NFS1: variants seen among roughly 807,000 people sequenced by gnomAD.
NFS1 encodes the protein cysteine desulfurase.
A neutral mutation model predicts 57.3 loss-of-function variants in NFS1; 26 were observed. That is an observed-to-expected ratio of 0.45 (90% CI 0.33 to 0.63). The LOEUF (loss-of-function observed/expected upper bound fraction) is 0.63, where lower values mean the gene tolerates loss of function less well. Among genes scored for constraint, NFS1 ranks in the 20% least tolerant of loss-of-function variants. The pLI, the probability that NFS1 is intolerant of heterozygous loss-of-function variation, is 0.02. For synonymous variants in NFS1, 209 were observed against 216.3 expected, an observed-to-expected ratio of 0.97 and a Z score of 0.30; for missense variants, 505 against 605.8, an observed-to-expected ratio of 0.83 and a Z score of 1.75.
chr20:35,675,374 T>C, intron 7 of NFS1, 172 bp from the exon 8 acceptor site: 2 of 691,474 alleles, frequency 2.9e-6, no homozygotes, highest in South Asian at 4.1e-5. Flanking sequence ...TAGTATTTAG[T>C]AAAATATTTA....
intron 4 of NFS1, among the ~76,000 whole-genome samples, chr20:35,691,446 A>G (rs192635651): frequency 4.1e-5 from 6 of 146,784 alleles, no homozygotes; most frequent in African/African-American, 2.5e-5. Flanking sequence ...CTCATTGAAG[A>G]AAAAAAAAAA....
At position 35,697,737 on chromosome 20, in the gene NFS1, G is replaced by C. The variant is rs749034132; in HGVS notation, c.271C>G (p.Arg91Gly). The C allele has an allele frequency of 8.1e-6, 13 of 1,613,824 alleles. No individual in the cohort carries two copies. Among genetic ancestry groups the C allele is most frequent in the Non-Finnish European group, 1.1e-5 (13 of 1,179,970 alleles). Residue 91 changes from arginine (R) to glycine (G), a missense_variant, in exon 3 of 13, where the codon CGG becomes GGG. Coordinates refer to ENST00000374092, the MANE Select transcript of NFS1 (RefSeq NM_021100.5). ...LINYYGNPHS[R>G]THAYGWESEA... ...CTCTCCCAGCCATAAGCATGTGTCC[G>C]GGAGTGTGGGTTCCCATAGTAGTTG... is the stretch of plus-strand genomic sequence containing the variant.
intron 5 of NFS1, among the ~76,000 whole-genome samples, chr20:35,683,140 G>A (rs1019207223): frequency 1.3e-5 from 2 of 151,744 alleles, no homozygotes; most frequent in African/African-American, 4.8e-5. Flanking sequence ...ATCCCAGAAG[G>A]TTACATACTG....
intron 5 of NFS1, among the ~76,000 whole-genome samples, chr20:35,687,497 C>T (rs1310769568): frequency 2.0e-5 from 3 of 152,098 alleles, no homozygotes; most frequent in Non-Finnish European, 4.4e-5. Flanking sequence ...ACCCACGTGA[C>T]CTTACCTATC....
intron 12 of NFS1, among the ~76,000 whole-genome samples, chr20:35,672,362 G>A (rs767316916): frequency 9.9e-5 from 15 of 151,872 alleles, no homozygotes; most frequent in Non-Finnish European, 1.5e-5. Flanking sequence ...TGATTCTCCT[G>A]CCTCAGTCTC....
intron 10 of NFS1, chr20:35,673,917 G>C: frequency 2.1e-6 from 1 of 483,370 alleles, no homozygotes; most frequent in African/African-American, 1.9e-5. Context: ...AAGGACGCTG[G>C]CAAAGTGTGA....
rs1451071079 is a variant in NFS1, at chr20:35,672,631, TCTAAATC to T, written c.1310+117_1310+123del. The stretch of plus-strand genomic sequence containing the variant: ...ATCTACTTTCTTGCTTTGTGGAATC[TCTAAATC>T]CTAAGATCCAAGTACGCTTGAACTT... On this transcript the variant is annotated intron_variant, in intron 12 of 12. Coordinates refer to ENST00000374092, the MANE Select transcript of NFS1 (RefSeq NM_021100.5). 3 of 704,144 alleles carry T rather than the reference TCTAAATC, an allele frequency of 4.3e-6. No homozygotes were observed. The African/African-American group carries it at 5.3e-5, about 13-fold the overall frequency. The allele number at this position is 704,144 out of a possible 1,614,324, so 43.6% of individuals were successfully genotyped here.
intron 4 of NFS1, chr20:35,692,201 TAAATAA>T (rs2035053699): frequency 4.0e-6 from 1 of 251,212 alleles, no homozygotes; most frequent in Non-Finnish European, 7.7e-6. Context: ...AATAAATAAA[TAAATAA>T]AAATAAAAAT....
At chr20:35,677,334 C>CT (rs2034769859) in intron 7 of NFS1, among the ~76,000 whole-genome samples, 1 of 151,942 alleles carries the variant, frequency 6.6e-6, no homozygotes, top group Admixed American at 6.6e-5. Flanking sequence ...AAGTTTGGGA[C>CT]CAGCCTGAGA....
chr20:35,682,358 C>A (rs1424976767), intron 5 of NFS1, among the ~76,000 whole-genome samples: 2 of 152,198 alleles, frequency 1.3e-5, no homozygotes, highest in African/African-American at 2.4e-5. Flanking sequence ...ATACCAAAAA[C>A]CTAGAAACTA....
rs1487785650 is a variant in NFS1 at position 35,668,705 on chromosome 20, GTTTA to G, written c.*913_*916del. On this transcript the variant is annotated 3_prime_UTR_variant, in exon 13 of 13. Transcript: ENST00000374092. ...AGCACTTATCACAATCTATAACATT[GTTTA>G]TTTGTTTAATTATTTTCCATCTCTC... The G allele has an allele frequency of 6.6e-6, 1 of 152,128 alleles. No individual in the cohort carries two copies. The highest frequency in any genetic ancestry group is 1.9e-4 in the East Asian group (1 of 5,198). The allele number at this position is 152,128 out of a possible 1,614,324, so 9.4% of individuals were successfully genotyped here. A position where few individuals can be genotyped will look rare whatever the true frequency, so the allele number is the denominator to read the frequency against.
chr20:35,689,042 G>A (rs947126863), intron 5 of NFS1, among the ~76,000 whole-genome samples: 1 of 152,178 alleles, frequency 6.6e-6, no homozygotes, highest in Non-Finnish European at 1.5e-5. Context: ...TAAGATTCAA[G>A]AAAATGACAC....
rs2035025398 is a variant in NFS1 at position 35,690,572 on chromosome 20, A to T, written c.409-7T>A. 6.2e-7 allele frequency: 1 copy of T among 1,613,720 alleles called. No homozygotes were observed. The highest frequency in any genetic ancestry group is 2.2e-5 in the East Asian group (1 of 44,866). On this transcript the variant is annotated splice_region_variant and splice_polypyrimidine_tract_variant and intron_variant, in intron 4 of 12. Coordinates refer to ENST00000374092, the MANE Select transcript of NFS1 (RefSeq NM_021100.5). Reference sequence around the variant, plus strand: ...TGTAGAATCGGGCCACCCCCTAGAAATTGGTGGTGACAGATGGAAGGAGAA... The same window carrying T: ...TGTAGAATCGGGCCACCCCCTAGAATTTGGTGGTGACAGATGGAAGGAGAA...
At chr20:35,698,643 G>A (rs1182595979) in intron 1 of NFS1, 53 bp from the exon 2 acceptor site, 44 of 1,528,392 alleles carry the variant, frequency 2.9e-5, no homozygotes, top group Non-Finnish European at 3.8e-5. Flanking sequence ...AACTATGAAC[G>A]CATGGCATCC....
In NFS1 at chr20:35,697,737, G is replaced by A. The variant is rs749034132; in HGVS notation, c.271C>T (p.Arg91Trp). The stretch of plus-strand genomic sequence containing the variant: ...CTCTCCCAGCCATAAGCATGTGTCC[G>A]GGAGTGTGGGTTCCCATAGTAGTTG... ...LINYYGNPHS[R>W]THAYGWESEA... The change falls in exon 3 of 13, where the codon CGG becomes TGG. Residue 91 changes from arginine (R) to tryptophan (W), a missense_variant. Transcript: ENST00000374092. 6 of 1,613,942 alleles carry A rather than the reference G, an allele frequency of 3.7e-6. No individual in the cohort carries two copies. The highest frequency in any genetic ancestry group is 5.1e-6 in the Non-Finnish European group (6 of 1,179,962).
chr20:35,691,247 A>C (rs554820335), intron 4 of NFS1, among the ~76,000 whole-genome samples: 56 of 152,256 alleles, frequency 3.7e-4, no homozygotes, highest in Non-Finnish European at 7.2e-4. Flanking sequence ...ATATTATTGG[A>C]ATTTATGATT....
chr20:35,680,304 C>T (rs547262398), intron 7 of NFS1, among the ~76,000 whole-genome samples: 1 of 150,234 alleles, frequency 6.7e-6, no homozygotes, highest in South Asian at 2.1e-4. Context: ...GACTCCGTCT[C>T]AAGAAAAAAA....
chr20:35,672,209 C>T (rs1221524760), intron 12 of NFS1, among the ~76,000 whole-genome samples: 2 of 151,844 alleles, frequency 1.3e-5, no homozygotes. Context: ...CCACCCACCT[C>T]AGCCTCCCAG....
At chr20:35,692,293 G>A (rs767678012) in intron 4 of NFS1, 16 of 241,478 alleles carry the variant, frequency 6.6e-5, no homozygotes, top group South Asian at 6.1e-4. Flanking sequence ...AGAATCGCTT[G>A]AACCTGGGAG....
Sources: allele counts gnomAD v4.1 joint callset (sites outside exome capture counted in the v4.1 genomes callset), GRCh38; gene constraint gnomAD v4.1.1; transcripts MANE v1.5; gene names NCBI Gene and HGNC (gene_info 2026-07-23, HGNC 2026-07-21).